Variants in CUBN observed in about 807,000 individuals in gnomAD.
CUBN encodes the protein 460 kDa receptor.
Under a neutral mutation model 405.3 loss-of-function variants are expected in CUBN, and 282 were observed. The observed-to-expected ratio is 0.70, with a 90% CI of 0.63 to 0.77. The LOEUF (loss-of-function observed/expected upper bound fraction) is 0.77. CUBN is among the 30% of genes least tolerant of loss of function. The probability of loss-of-function intolerance (pLI) is 0.00; values close to 1 mark genes in which losing one functional copy is unlikely to be tolerated. For missense variants in CUBN, 4,514 were observed against 4,475.2 expected, an observed-to-expected ratio of 1.01 and a Z score of -0.25; for synonymous variants, 1,684 against 1,617.0, an observed-to-expected ratio of 1.04 and a Z score of -0.99.
chr10:16,836,414 A>C, intron 62 of CUBN, 32 bp from the exon 63 acceptor site: 1 of 1,605,982 alleles, frequency 6.2e-7, no homozygotes, highest in Non-Finnish European at 8.5e-7. Context: ...ATCATGTTAG[A>C]TTTAGTCTTA....
At chr10:16,932,040 C>T (rs1418417260) in intron 40 of CUBN, among the ~76,000 whole-genome samples, 1 of 152,130 alleles carries the variant, frequency 6.6e-6, no homozygotes, top group Non-Finnish European at 1.5e-5. Context: ...CATTCTGGTG[C>T]TTTGATACTC....
chr10:17,043,222 C>T (rs1023206156), intron 26 of CUBN, among the ~76,000 whole-genome samples: 29 of 152,142 alleles, frequency 1.9e-4, no homozygotes, highest in South Asian at 6.2e-4. Flanking sequence ...TGACATTTTG[C>T]TCAGTGTTCC....
chr10:16,934,535 G>A (rs945546090), intron 39 of CUBN, among the ~76,000 whole-genome samples: 8 of 152,076 alleles, frequency 5.3e-5, no homozygotes, highest in African/African-American at 1.9e-4. Flanking sequence ...CAAATTTTAA[G>A]GTTTTCCTCT....
In CUBN at chr10:17,019,935, G is replaced by A; in HGVS notation, c.4066C>T (p.Pro1356Ser). 1 of 1,614,106 alleles carries A rather than the reference G, an allele frequency of 6.2e-7. No homozygotes were observed. ...GAGCTTGTAGTACTCCCTGGAGGGG[G>A]CAGGTCTACTCCACAGTAGCGTCCC... ...QMGRYCGVDL[P>S]PPGSTTSSKL... The change falls in exon 28 of 67, where the codon CCC becomes TCC. Residue 1356 changes from proline to serine, a missense_variant. Physicochemically the swap from Pro to Ser is moderately conservative, Grantham distance 74 (BLOSUM62 -1). Transcript: ENST00000377833.
At chr10:16,857,148 A>C (rs1330523806) in intron 59 of CUBN, among the ~76,000 whole-genome samples, 1 of 152,216 alleles carries the variant, frequency 6.6e-6, no homozygotes, top group East Asian at 1.9e-4. Flanking sequence ...TTCAGGTATA[A>C]TATTTATGTT....
At chr10:16,839,494 T>C (rs1839275649) in intron 62 of CUBN, among the ~76,000 whole-genome samples, 1 of 148,392 alleles carries the variant, frequency 6.7e-6, no homozygotes, top group Admixed American at 6.9e-5. Flanking sequence ...ATCAGAGAAA[T>C]GCAAATCAAA....
chr10:17,052,092 T>A (rs1389159699), intron 22 of CUBN, among the ~76,000 whole-genome samples: 1 of 152,116 alleles, frequency 6.6e-6, no homozygotes, highest in African/African-American at 2.4e-5. Flanking sequence ...ATGATAAGGA[T>A]GACAGCTGGC....
intron 31 of CUBN, among the ~76,000 whole-genome samples, chr10:16,961,436 CAT>C (rs1564448688): frequency 6.6e-6 from 1 of 152,192 alleles, no homozygotes; most frequent in African/African-American, 2.4e-5. Flanking sequence ...CTAAAGTTAA[CAT>C]GTGTTCAACT....
intron 51 of CUBN, among the ~76,000 whole-genome samples, chr10:16,902,944 TGAAAAGGGACTA>T (rs368509930): frequency 1.4e-3 from 217 of 152,176 alleles, no homozygotes; most frequent in African/African-American, 4.7e-3. Context: ...GGCATGCTCG[TGAAAAGGGACTA>T]GAAAACCTCC....
Position 16,851,445 on chromosome 10 carries a change from T to C in CUBN, c.9455-2A>G, listed in dbSNP as rs1400189783. On this transcript the variant is annotated splice_acceptor_variant, in intron 59 of 66. Transcript: ENST00000377833. LOFTEE classifies it high-confidence loss of function. ...AACCACCACATCCTTGCTGAGGCCC[T>C]GCATTAAAACAAAGACATCACTATG... is the stretch of plus-strand genomic sequence containing the variant. 6.2e-7 allele frequency: 1 copy of C among 1,613,882 alleles called. No homozygotes were observed. The highest frequency in any genetic ancestry group is 8.5e-7 in the Non-Finnish European group (1 of 1,179,908).
At chr10:16,828,314 T>C (rs1838855750) in intron 66 of CUBN, among the ~76,000 whole-genome samples, 1 of 152,160 alleles carries the variant, frequency 6.6e-6, no homozygotes, top group African/African-American at 2.4e-5. Context: ...AGTAATTTAA[T>C]GCAATGCCCA....
chr10:17,122,544 G>A (rs1463214780), intron 6 of CUBN: 1 of 547,294 alleles, frequency 1.8e-6, no homozygotes, highest in Non-Finnish European at 3.6e-6. Context: ...CCAATCACGG[G>A]AGCCTTCTTC....
chr10:17,113,853 C>G (rs573854395), intron 8 of CUBN, among the ~76,000 whole-genome samples, 174 bp downstream of exon 8: 10 of 152,334 alleles, frequency 6.6e-5, no homozygotes, highest in South Asian at 6.2e-4. Flanking sequence ...AAGCCTCCCC[C>G]TTTTGACGTG....
At chr10:16,867,746 T>C (rs1364412222) in intron 59 of CUBN, among the ~76,000 whole-genome samples, 1 of 152,202 alleles carries the variant, frequency 6.6e-6, no homozygotes, top group East Asian at 1.9e-4. Context: ...GACTCGTGCA[T>C]AGAGAATGCT....
At chr10:17,018,839 CAG>C (rs1834417705) in intron 28 of CUBN, among the ~76,000 whole-genome samples, 1 of 151,998 alleles carries the variant, frequency 6.6e-6, no homozygotes, top group African/African-American at 2.4e-5. Context: ...TGGGTTTTTA[CAG>C]AGTGCTGATT....
At chr10:17,127,184 C>CTCTCTCTT (rs1222294360) in intron 3 of CUBN, among the ~76,000 whole-genome samples, 4 of 146,728 alleles carry the variant, frequency 2.7e-5, no homozygotes, top group Non-Finnish European at 6.0e-5. Context: ...TTCTTTCTCT[C>CTCTCTCTT]TCTCTCTTTC....
chr10:16,895,110 G>T (rs1841142484), intron 54 of CUBN, among the ~76,000 whole-genome samples: 1 of 152,114 alleles, frequency 6.6e-6, no homozygotes, highest in Non-Finnish European at 1.5e-5. Context: ...CCAACAATTG[G>T]CAGCTCAGTT....
intron 10 of CUBN, among the ~76,000 whole-genome samples, chr10:17,108,163 T>C (rs112561199): frequency 2.0e-5 from 3 of 152,226 alleles, no homozygotes; most frequent in African/African-American, 7.2e-5. Context: ...ATATAAGGAC[T>C]CATTTAATCA....
Position 16,831,311 on chromosome 10 carries a change from T to G in CUBN, c.10469A>C (p.Lys3490Thr). Reference protein sequence around the residue: ...SQNNELYLRFKSDSVTSDRGY... With the variant: ...SQNNELYLRFTSDSVTSDRGY... ...ACGATCAGAAGTTACACTATCACTC[T>G]TAAATCGTAGGTATAGTTCATTATT... Residue 3490 changes from lysine to threonine, a missense_variant, in exon 65 of 67, where the codon AAG becomes ACG. By Grantham distance (78) the Lys-to-Thr change is moderately conservative. Transcript: ENST00000377833. The G allele has an allele frequency of 1.2e-6, 2 of 1,613,980 alleles. No homozygotes were observed. The highest frequency in any genetic ancestry group is 1.7e-6 in the Non-Finnish European group (2 of 1,179,832).
Sources: allele counts gnomAD v4.1 joint callset (sites outside exome capture counted in the v4.1 genomes callset), GRCh38; gene constraint gnomAD v4.1.1; transcripts MANE v1.5; gene names NCBI Gene and HGNC (gene_info 2026-07-23, HGNC 2026-07-21).